A1CF: variants seen among roughly 807,000 people sequenced by gnomAD.
A1CF encodes APOBEC-1 stimulating protein.
Under a neutral mutation model 68.9 loss-of-function variants are expected in A1CF, and 48 were observed. The ratio of observed to expected loss-of-function variants is 0.70; its 90% CI spans 0.55 to 0.89. A1CF has a LOEUF of 0.89. Among genes scored for constraint, A1CF ranks in the 40% least tolerant of loss-of-function variants. A1CF has a pLI of 0.00. For missense variants in A1CF, 653 were observed against 718.9 expected (o/e 0.91, Z 1.05); for synonymous variants, 272 against 260.4 (o/e 1.04, Z -0.43).
At chr10:50,840,447 T>C (rs1182008144) in intron 5 of A1CF, among the ~76,000 whole-genome samples, 1 of 152,218 alleles carries the variant, frequency 6.6e-6, no homozygotes, top group African/African-American at 2.4e-5. Context: ...AAATGAAGCA[T>C]GGCTGACTCC....
intron 11 of A1CF, among the ~76,000 whole-genome samples, chr10:50,810,660 G>A (rs1053507562): frequency 6.6e-6 from 1 of 152,108 alleles, no homozygotes; most frequent in Admixed American, 6.6e-5. Flanking sequence ...TGCCTGTACC[G>A]GCTACTACAT....
chr10:50,808,424 G>A (rs1309926360), intron 12 of A1CF, among the ~76,000 whole-genome samples: 1 of 152,182 alleles, frequency 6.6e-6, no homozygotes. Flanking sequence ...TTCTGACAGT[G>A]GCTCATTAGT....
intron 3 of A1CF, among the ~76,000 whole-genome samples, chr10:50,852,951 G>A (rs1023048983): frequency 3.9e-5 from 6 of 152,086 alleles, no homozygotes; most frequent in Non-Finnish European, 7.4e-5. Context: ...GAAGAGGAAC[G>A]GTATTCTAAT....
intron 9 of A1CF, among the ~76,000 whole-genome samples, chr10:50,814,809 T>C (rs1337936160): frequency 6.6e-6 from 1 of 152,198 alleles, no homozygotes; most frequent in Non-Finnish European, 1.5e-5. Flanking sequence ...CATAACTGGT[T>C]GACAATTTGT....
Position 50,804,458 on chromosome 10 carries a change from T to A in A1CF, c.*2271A>T, listed in dbSNP as rs1296792345. On this transcript the variant is annotated 3_prime_UTR_variant, in exon 13 of 13. Coordinates refer to ENST00000373997, the MANE Select transcript of A1CF (RefSeq NM_014576.4). ...TTATTTGCAAAGATTTTAAGGAAAA[T>A]CAGAACTTTTGCTCCTAGAATTTGG... 6 of 152,100 alleles carry A rather than the reference T, an allele frequency of 3.9e-5. No homozygotes were observed. Among genetic ancestry groups the A allele is most frequent in the Non-Finnish European group, 5.9e-5 (4 of 67,966 alleles). 9.4% of individuals were successfully genotyped at this position (152,100 alleles called of 1,614,324 possible).
intron 1 of A1CF, among the ~76,000 whole-genome samples, chr10:50,870,499 A>C (rs906774917): frequency 9.5e-4 from 145 of 152,012 alleles, no homozygotes; most frequent in African/African-American, 3.4e-3. Context: ...CTTTTAAAAA[A>C]GAGAATACTT....
In A1CF at chr10:50,806,611, AG is replaced by A. The variant is rs1255699971; in HGVS notation, c.*117del. The A allele has an allele frequency of 1.4e-5, 13 of 901,462 alleles. No individual in the cohort carries two copies. Among genetic ancestry groups the A allele is most frequent in the Non-Finnish European group, 2.0e-5 (13 of 636,644 alleles). The allele number at this position is 901,462 out of a possible 1,614,324, so 55.8% of individuals were successfully genotyped here. On this transcript the variant is annotated 3_prime_UTR_variant, in exon 13 of 13. Coordinates refer to ENST00000373997, the MANE Select transcript of A1CF (RefSeq NM_014576.4). ...GGTATAAGCTATACAGTCTCTGGAA[AG>A]GCATTTCTTTAGGAAACATATTATT...
chr10:50,844,156 A>G, intron 3 of A1CF, 34 bp from the exon 4 acceptor site: 1 of 1,594,208 alleles, frequency 6.3e-7, no homozygotes, highest in Non-Finnish European at 8.5e-7. Context: ...AGGAGAGGAG[A>G]AAATGATCAA....
chr10:50,833,298 G>A lies in A1CF; in HGVS notation c.604+2776C>T, dbSNP rs138653265. ...TACCTGGCCTGACACCAGACCTACT[G>A]AATCAAGAACTCTGGCGGTGGGATC... On this transcript the variant is annotated intron_variant, in intron 6 of 12. Coordinates refer to ENST00000373997, the MANE Select transcript of A1CF (RefSeq NM_014576.4). 6.0e-3 allele frequency among the ~76,000 whole-genome samples: 920 copies of A among 152,316 alleles called. 7 individuals carry two copies. Among genetic ancestry groups the A allele is most frequent in the African/African-American group, 0.021 (858 of 41,576 alleles).
In A1CF at chr10:50,859,864, C is replaced by T. The variant is rs529819396; in HGVS notation, c.77G>A (p.Arg26His). The T allele has an allele frequency of 7.4e-6, 12 of 1,613,944 alleles. No homozygotes were observed. The East Asian group carries it at 1.6e-4, about 21-fold the overall frequency. Residue 26 changes from arginine (R) to histidine (H), a missense_variant, in exon 3 of 13, where the codon CGC (arginine) becomes CAC (histidine). Transcript: ENST00000373997. Reference sequence around the variant, plus strand: ...TACCTGGACCAAGCTATATCCTGTGCGCTGGACCAGTGCGCGGAGGGCTGC... The same window carrying T: ...TACCTGGACCAAGCTATATCCTGTGTGCTGGACCAGTGCGCGGAGGGCTGC... Reference protein sequence around the residue: ...KEAALRALVQRTGYSLVQENG... With the variant: ...KEAALRALVQHTGYSLVQENG...
intron 7 of A1CF, among the ~76,000 whole-genome samples, chr10:50,822,201 G>A (rs895951930): frequency 1.3e-5 from 2 of 152,078 alleles, no homozygotes; most frequent in East Asian, 1.9e-4. Flanking sequence ...TAGTTGTACC[G>A]AGATAGTTGG....
intron 3 of A1CF, among the ~76,000 whole-genome samples, chr10:50,844,329 T>G (rs1839904893): frequency 6.6e-6 from 1 of 152,218 alleles, no homozygotes; most frequent in South Asian, 2.1e-4. Flanking sequence ...TTGCTTGAGA[T>G]AAACATTGTG....
Position 50,813,929 on chromosome 10 carries a change from A to G in A1CF, c.1251T>C (p.Ile417=), listed in dbSNP as rs1219739770. Reference sequence around the variant, plus strand: ...TTGGGGTGAGCTCCATCCCAGGTAAAATGTCATAGAGTTTGTCTTCTCTTT... The same window carrying G: ...TTGGGGTGAGCTCCATCCCAGGTAAGATGTCATAGAGTTTGTCTTCTCTTT... The part of the protein sequence containing the change: ...GDKREDKLYD[I]LPGMELTPMN... Residue 417 remains isoleucine, a synonymous_variant, in exon 10 of 13, where the codon ATT becomes ATC. Coordinates refer to ENST00000373997, the MANE Select transcript of A1CF (RefSeq NM_014576.4). 1 of 1,613,694 alleles carries G rather than the reference A, an allele frequency of 6.2e-7. No homozygotes were observed. Among genetic ancestry groups the G allele is most frequent in the Non-Finnish European group, 8.5e-7 (1 of 1,179,858 alleles).
chr10:50,821,384 C>A, intron 7 of A1CF, among the ~76,000 whole-genome samples: 1 of 152,132 alleles, frequency 6.6e-6, no homozygotes, highest in East Asian at 1.9e-4. Flanking sequence ...AAGGATCATG[C>A]ATAAGGATAT....
chr10:50,859,916 C>T lies in A1CF; in HGVS notation c.25G>A (p.Asp9Asn). The T allele has an allele frequency of 6.2e-7, 1 of 1,613,946 alleles. No individual in the cohort carries two copies. The highest frequency in any genetic ancestry group is 8.5e-7 in the Non-Finnish European group (1 of 1,179,932). The change falls in exon 3 of 13, where the codon GAT becomes AAT. Residue 9 changes from aspartate (D) to asparagine (N), a missense_variant. Asp to Asn is a conservative substitution (Grantham distance 23, BLOSUM62 1). Transcript: ENST00000373997. MESNHKSGDGLSGTQKEAA... is the reference protein window; with the variant it reads MESNHKSGNGLSGTQKEAA... ...TCCTTCTGAGTGCCGCTCAATCCAT[C>T]CCCGGATTTGTGATTTGATTCCATT...
rs144918321 is a variant in A1CF, at chr10:50,816,088, A to T, written c.1059T>A (p.Tyr353Ter). The T allele has an allele frequency of 1.8e-5, 29 of 1,613,836 alleles. No homozygotes were observed. Among genetic ancestry groups the T allele is most frequent in the Non-Finnish European group, 2.3e-5 (27 of 1,179,874 alleles). Residue 353 changes from tyrosine (Y) to a stop codon, truncating the protein, a stop_gained, in exon 9 of 13, where the codon TAT becomes TAA. Transcript: ENST00000373997. LOFTEE classifies it high-confidence loss of function. ...GGAAATGAAGACTGGGAATTGCTGC[A>T]TAGGTCTGGGGGGCATAGAAGACAG... is the stretch of plus-strand genomic sequence containing the variant. ...GAPVFYAPQT[Y>*]AAIPSLHFPA...
Position 50,859,897 on chromosome 10 carries a change from T to C in A1CF, c.44A>G (p.Gln15Arg). ...CAGTGCGCGGAGGGCTGCTTCCTTC[T>C]GAGTGCCGCTCAATCCATCCCCGGA... ...HKSGDGLSGT[Q>R]KEAALRALVQ... The change falls in exon 3 of 13, where the codon CAG becomes CGG. Residue 15 changes from glutamine to arginine, a missense_variant. Coordinates refer to ENST00000373997, the MANE Select transcript of A1CF (RefSeq NM_014576.4). The C allele has an allele frequency of 1.9e-6, 3 of 1,614,030 alleles. No individual in the cohort carries two copies. The Admixed American group carries it at 5.0e-5, about 27-fold the overall frequency.
chr10:50,868,531 G>GT (rs1020930815), intron 1 of A1CF, among the ~76,000 whole-genome samples: 1 of 151,946 alleles, frequency 6.6e-6, no homozygotes, highest in Non-Finnish European at 1.5e-5. Context: ...CAACATCTTA[G>GT]TTTTTTAAAA....
At chr10:50,879,395 C>T (rs1374445525) in intron 1 of A1CF, among the ~76,000 whole-genome samples, 1 of 152,116 alleles carries the variant, frequency 6.6e-6, no homozygotes, top group Admixed American at 6.6e-5. Context: ...ATCAATGCCT[C>T]CATGGTTTAT....
Sources: allele counts gnomAD v4.1 joint callset (sites outside exome capture counted in the v4.1 genomes callset), GRCh38; gene constraint gnomAD v4.1.1; transcripts MANE v1.5; gene names NCBI Gene and HGNC (gene_info 2026-07-23, HGNC 2026-07-21).